Variants in RNF180 observed in about 807,000 individuals in gnomAD.
RNF180 encodes the protein E3 ubiquitin-protein ligase RNF180.
RNF180 carries 38 observed loss-of-function variants against 59.2 expected under a neutral mutation model. The ratio of observed to expected loss-of-function variants is 0.64; its 90% CI spans 0.50 to 0.84. The LOEUF is 0.84. RNF180 is among the 40% of genes least tolerant of loss of function. RNF180 has a pLI of 0.00. For synonymous variants in RNF180, 262 were observed against 240.3 expected, an observed-to-expected ratio of 1.09 and a Z score of -0.84; for missense variants, 705 against 700.9, an observed-to-expected ratio of 1.01 and a Z score of -0.07.
chr5:64,323,769 A>AT, intron 5 of RNF180, among the ~76,000 whole-genome samples: 1 of 152,174 alleles, frequency 6.6e-6, no homozygotes, highest in East Asian at 1.9e-4. Flanking sequence ...TACTAAATGT[A>AT]TTAAGTGGAT....
rs185151238 is a variant in RNF180 at position 64,194,407 on chromosome 5, T to A, written c.1-6401T>A. On this transcript the variant is annotated intron_variant, in intron 1 of 7. Transcript: ENST00000389100. Reference sequence around the variant, plus strand: ...ATTTTCTTAATCCAATCTATCATTGTTGGACATTTGGGTTGGTTCCAAGTC... The same window carrying A: ...ATTTTCTTAATCCAATCTATCATTGATGGACATTTGGGTTGGTTCCAAGTC... 8.5e-5 allele frequency among the ~76,000 whole-genome samples: 13 copies of A among 152,356 alleles called. No individual in the cohort carries two copies. The East Asian group carries it at 2.5e-3, about 29-fold the overall frequency.
At chr5:64,357,515 T>C (rs1746077155) in intron 7 of RNF180, among the ~76,000 whole-genome samples, 2 of 151,868 alleles carry the variant, frequency 1.3e-5, no homozygotes, top group Non-Finnish European at 2.9e-5. Context: ...TCATATTAAT[T>C]TTCAATTCCT....
At chr5:64,260,389 G>A (rs1265432698) in intron 5 of RNF180, among the ~76,000 whole-genome samples, 2 of 152,048 alleles carry the variant, frequency 1.3e-5, no homozygotes, top group Admixed American at 1.3e-4. Flanking sequence ...AGAGTTATTT[G>A]TAAAAGAATA....
chr5:64,301,558 A>C (rs1743159894), intron 5 of RNF180, among the ~76,000 whole-genome samples: 2 of 151,804 alleles, frequency 1.3e-5, no homozygotes, highest in African/African-American at 4.8e-5. Context: ...AAATGCTGTT[A>C]AACATTCCTT....
chr5:64,271,476 G>A, intron 5 of RNF180, among the ~76,000 whole-genome samples: 1 of 152,022 alleles, frequency 6.6e-6, no homozygotes, highest in East Asian at 1.9e-4. Flanking sequence ...GTAACATTCT[G>A]TATATGTTTG....
In RNF180 at chr5:64,370,684, CCT is replaced by C. The variant is rs1746630988; in HGVS notation, c.*871_*872del. On this transcript the variant is annotated 3_prime_UTR_variant, in exon 8 of 8. Coordinates refer to ENST00000389100, the MANE Select transcript of RNF180 (RefSeq NM_001113561.2). ...AGGCTTATCGATTTTAGAAAGAAAA[CCT>C]GACATTTTTAATTACAGTAATCATT... 1 of 150,810 alleles carries C rather than the reference CCT, an allele frequency of 6.6e-6. No individual in the cohort carries two copies. Among genetic ancestry groups the C allele is most frequent in the Non-Finnish European group, 1.5e-5 (1 of 67,540 alleles). 9.3% of individuals were successfully genotyped at this position (150,810 alleles called of 1,614,324 possible). A position where few individuals can be genotyped will look rare whatever the true frequency, so the allele number is the denominator to read the frequency against.
chr5:64,278,946 T>C (rs1424046751), intron 5 of RNF180, among the ~76,000 whole-genome samples: 1 of 152,098 alleles, frequency 6.6e-6, no homozygotes, highest in Non-Finnish European at 1.5e-5. Context: ...GATAGATTAA[T>C]GGTTTGGGGG....
At chr5:64,357,796 T>C (rs1746089314) in intron 7 of RNF180, among the ~76,000 whole-genome samples, 1 of 151,878 alleles carries the variant, frequency 6.6e-6, no homozygotes, top group South Asian at 2.1e-4. Context: ...TCGAATCATA[T>C]TCCGTAGCGA....
At chr5:64,292,408 C>T (rs1029579018) in intron 5 of RNF180, among the ~76,000 whole-genome samples, 1 of 152,124 alleles carries the variant, frequency 6.6e-6, no homozygotes, top group Non-Finnish European at 1.5e-5. Flanking sequence ...GGGGATTGCT[C>T]AGCAATCCTA....
At chr5:64,201,030 C>T (rs941509498) in intron 2 of RNF180, 88 bp downstream of exon 2, 7 of 966,738 alleles carry the variant, frequency 7.2e-6, no homozygotes, top group Non-Finnish European at 1.1e-5. Flanking sequence ...TCTTCTCTAC[C>T]TTATTAAGAA....
At chr5:64,333,153 A>G (rs910448766) in intron 7 of RNF180, among the ~76,000 whole-genome samples, 1 of 152,170 alleles carries the variant, frequency 6.6e-6, no homozygotes, top group African/African-American at 2.4e-5. Context: ...TTTGGTATAG[A>G]TAGGTTTTAT....
intron 7 of RNF180, among the ~76,000 whole-genome samples, chr5:64,360,627 A>G (rs992616004): frequency 2.6e-5 from 4 of 151,780 alleles, no homozygotes; most frequent in African/African-American, 9.7e-5. Context: ...ATTTTTATGC[A>G]AACTGTTTAA....
chr5:64,170,943 C>T (rs539569181), intron 1 of RNF180, among the ~76,000 whole-genome samples: 1 of 152,290 alleles, frequency 6.6e-6, no homozygotes, highest in South Asian at 2.1e-4. Context: ...TGAAAGTCTT[C>T]CTTTACCTGT....
At chr5:64,281,966 G>A (rs1013088262) in intron 5 of RNF180, among the ~76,000 whole-genome samples, 1 of 152,116 alleles carries the variant, frequency 6.6e-6, no homozygotes, top group Non-Finnish European at 1.5e-5. Flanking sequence ...ACTTGATCAT[G>A]GTGGATTAGC....
chr5:64,232,689 C>T (rs1009744961), intron 5 of RNF180, among the ~76,000 whole-genome samples: 3 of 152,058 alleles, frequency 2.0e-5, no homozygotes, highest in Non-Finnish European at 1.5e-5. Context: ...AATATTTTTA[C>T]GTGGGAGTCA....
chr5:64,315,656 A>G (rs994443237), intron 5 of RNF180, among the ~76,000 whole-genome samples: 1 of 151,420 alleles, frequency 6.6e-6, no homozygotes, highest in African/African-American at 2.4e-5. Flanking sequence ...AGGTTGCTTG[A>G]ACCTGGGGGG....
chr5:64,224,484 G>A (rs1205963878), intron 5 of RNF180, among the ~76,000 whole-genome samples: 1 of 152,142 alleles, frequency 6.6e-6, no homozygotes, highest in Non-Finnish European at 1.5e-5. Flanking sequence ...CGAGCAAGGG[G>A]GAAAGAGAAT....
chr5:64,231,298 G>A (rs116129545), intron 5 of RNF180, among the ~76,000 whole-genome samples: 137 of 152,260 alleles, frequency 9.0e-4, no homozygotes, highest in Non-Finnish European at 1.8e-3. Context: ...AGAAATAATG[G>A]CATTCACAGA....
At chr5:64,267,990 T>C (rs1276400173) in intron 5 of RNF180, among the ~76,000 whole-genome samples, 3 of 152,164 alleles carry the variant, frequency 2.0e-5, no homozygotes, top group Admixed American at 6.6e-5. Context: ...TTTGTAATTA[T>C]TTTTCCTATC....
Sources: gnomAD v4.1 joint callset for allele counts (sites outside exome capture counted in the v4.1 genomes callset) on GRCh38, gnomAD v4.1.1 for gene constraint, MANE v1.5 for transcripts, NCBI Gene and HGNC (gene_info 2026-07-23, HGNC 2026-07-21) for gene names.